KIRREL3: variants seen among roughly 807,000 people sequenced by gnomAD.
KIRREL3 encodes kirre like nephrin family adhesion molecule 3, also known as kin of IRRE-like protein 3.
A neutral mutation model predicts 89.7 loss-of-function variants in KIRREL3; 36 were observed. That is an observed-to-expected ratio of 0.40 (90% CI 0.31 to 0.53). The LOEUF is 0.53. Ranked by LOEUF, KIRREL3 falls within the 20% of genes least tolerant of loss-of-function variation. The pLI, the probability that KIRREL3 is intolerant of heterozygous loss-of-function variation, is 0.49. For missense variants in KIRREL3, 864 were observed against 1,056.6 expected (o/e 0.82, Z 2.53); for synonymous variants, 445 against 441.4 (o/e 1.01, Z -0.10).
At chr11:126,448,136 A>G (rs958270830) in intron 8 of KIRREL3, among the ~76,000 whole-genome samples, 4 of 152,064 alleles carry the variant, frequency 2.6e-5, no homozygotes, top group African/African-American at 9.7e-5. Flanking sequence ...TACAAAAATT[A>G]TCTGGGTATG....
intron 1 of KIRREL3, among the ~76,000 whole-genome samples, chr11:126,801,449 G>A (rs991007914): frequency 6.6e-6 from 1 of 152,192 alleles, no homozygotes; most frequent in Admixed American, 6.5e-5. Context: ...ATAACTCAGA[G>A]TATTTCTGTG....
intron 1 of KIRREL3, among the ~76,000 whole-genome samples, chr11:126,746,937 C>G (rs1949171802): frequency 6.6e-6 from 1 of 152,226 alleles, no homozygotes; most frequent in Non-Finnish European, 1.5e-5. Context: ...GTGGACCACA[C>G]TGAGGATAGA....
chr11:126,879,150 T>C lies in KIRREL3; in HGVS notation c.55+121305A>G, dbSNP rs1260441945. On this transcript the variant is annotated intron_variant, in intron 1 of 16. Transcript: ENST00000525144. The surrounding 1 kb of genome is among the most constrained non-coding windows in gnomAD (Gnocchi z 5.4). Reference sequence around the variant, plus strand: ...AGGAAATAGTCTGAGTCCAGCTAAATGTAAAGAGGGAAACTGGAGCTCATC... The same window carrying C: ...AGGAAATAGTCTGAGTCCAGCTAAACGTAAAGAGGGAAACTGGAGCTCATC... 6.6e-6 allele frequency among the ~76,000 whole-genome samples: 1 copy of C among 152,088 alleles called. No individual in the cohort carries two copies. The highest frequency in any genetic ancestry group is 1.9e-4 in the East Asian group (1 of 5,188).
At chr11:126,458,244 A>T (rs1437188125) in intron 6 of KIRREL3, among the ~76,000 whole-genome samples, 1 of 152,204 alleles carries the variant, frequency 6.6e-6, no homozygotes, top group East Asian at 1.9e-4. Context: ...GGTCCAGCCC[A>T]TTTCCAGAAA....
chr11:126,786,363 T>C (rs879864606), intron 1 of KIRREL3, among the ~76,000 whole-genome samples: 3 of 152,238 alleles, frequency 2.0e-5, no homozygotes, highest in Non-Finnish European at 4.4e-5. Context: ...TTTCTTTTCT[T>C]TGGTTTCCAA....
chr11:126,693,263 C>CA (rs1243646816), intron 1 of KIRREL3, among the ~76,000 whole-genome samples: 1 of 151,846 alleles, frequency 6.6e-6, no homozygotes, highest in Non-Finnish European at 1.5e-5. Context: ...CAGTAAAATA[C>CA]AAAAAAAATT....
chr11:126,951,341 A>G (rs1368100981), intron 1 of KIRREL3, among the ~76,000 whole-genome samples: 2 of 152,116 alleles, frequency 1.3e-5, no homozygotes, highest in East Asian at 3.8e-4. Context: ...ATATTTTTAC[A>G]TTTTCTCTAA....
chr11:126,850,120 G>A (rs553217283), intron 1 of KIRREL3, among the ~76,000 whole-genome samples: 1 of 152,260 alleles, frequency 6.6e-6, no homozygotes, highest in South Asian at 2.1e-4. Flanking sequence ...GCCTGGGCCT[G>A]GGGTGAAGGA....
chr11:126,883,115 T>C lies in KIRREL3; in HGVS notation c.55+117340A>G, dbSNP rs188942568. On this transcript the variant is annotated intron_variant, in intron 1 of 16. Transcript: ENST00000525144. This position sits in a 1 kb window ranked among gnomAD's most constrained non-coding sequence, Gnocchi z 4.1. Reference sequence around the variant, plus strand: ...CAGCAGGTAGGGTTTGTTACTTTAATTCACTTTGCCTTTCTCTTCTGAAAA... The same window carrying C: ...CAGCAGGTAGGGTTTGTTACTTTAACTCACTTTGCCTTTCTCTTCTGAAAA... Among the ~76,000 whole-genome samples, 3 of 152,356 alleles carry C rather than the reference T, an allele frequency of 2.0e-5. No individual in the cohort carries two copies. Among genetic ancestry groups the C allele is most frequent in the Admixed American group, 2.0e-4 (3 of 15,294 alleles).
Position 126,433,338 on chromosome 11 carries a change from CCT to C in KIRREL3, c.1589-1814_1589-1813del, listed in dbSNP as rs143529388. 5.7e-3 allele frequency among the ~76,000 whole-genome samples: 862 copies of C among 152,324 alleles called. 11 individuals are homozygous for C. Among genetic ancestry groups the C allele is most frequent in the African/African-American group, 0.019 (803 of 41,578 alleles). Reference sequence around the variant, plus strand: ...TTTTTCTTTAAAGGGAGGAGAAAGACCTCAAACCCTGGCCTCTGAAGATGCTG... The same window carrying C: ...TTTTTCTTTAAAGGGAGGAGAAAGACCAAACCCTGGCCTCTGAAGATGCTG... On this transcript the variant is annotated intron_variant, in intron 13 of 16. Coordinates refer to ENST00000525144, the MANE Select transcript of KIRREL3 (RefSeq NM_032531.4).
At chr11:126,436,127 G>A (rs1341414241) in intron 12 of KIRREL3, among the ~76,000 whole-genome samples, 1 of 152,142 alleles carries the variant, frequency 6.6e-6, no homozygotes, top group African/African-American at 2.4e-5. Flanking sequence ...GTCAGCGCAC[G>A]GGGGCACAGT....
In KIRREL3 at chr11:126,905,692, C is replaced by T. The variant is rs1175069695; in HGVS notation, c.55+94763G>A. Among the ~76,000 whole-genome samples the T allele has an allele frequency of 1.3e-5, 2 of 152,096 alleles. No individual in the cohort carries two copies. Among genetic ancestry groups the T allele is most frequent in the Non-Finnish European group, 2.9e-5 (2 of 68,018 alleles). ...TCTCCAATCTGTCTGGCCATGAACC[C>T]TTAACAGAACACCAGAGACCTATGT... On this transcript the variant is annotated intron_variant, in intron 1 of 16. Coordinates refer to ENST00000525144, the MANE Select transcript of KIRREL3 (RefSeq NM_032531.4). This position sits in a 1 kb window ranked among gnomAD's most constrained non-coding sequence, Gnocchi z 5.0.
At chr11:126,451,455 C>T (rs1032905899) in intron 7 of KIRREL3, among the ~76,000 whole-genome samples, 4 of 108,328 alleles carry the variant, frequency 3.7e-5, no homozygotes, top group Admixed American at 9.5e-5. Context: ...CAAGTGCATG[C>T]GCATGTGTGG....
Position 126,900,989 on chromosome 11 carries a change from G to C in KIRREL3, c.55+99466C>G, listed in dbSNP as rs1277828856. On this transcript the variant is annotated intron_variant, in intron 1 of 16. Coordinates refer to ENST00000525144, the MANE Select transcript of KIRREL3 (RefSeq NM_032531.4). This position sits in a 1 kb window ranked among gnomAD's most constrained non-coding sequence, Gnocchi z 4.4. ...AATCAATGACAAAGACCAACAGTAA[G>C]TGGATCACGAGGTCAGGAGTTCGAG... Among the ~76,000 whole-genome samples, 1 of 152,144 alleles carries C rather than the reference G, an allele frequency of 6.6e-6. No homozygotes were observed. Among genetic ancestry groups the C allele is most frequent in the African/African-American group, 2.4e-5 (1 of 41,436 alleles).
chr11:126,775,215 G>T (rs898833941), intron 1 of KIRREL3, among the ~76,000 whole-genome samples: 2 of 152,150 alleles, frequency 1.3e-5, no homozygotes, highest in African/African-American at 4.8e-5. Context: ...GCAACATGAG[G>T]AGCTGTGTGC....
intron 1 of KIRREL3, among the ~76,000 whole-genome samples, chr11:126,849,639 C>T (rs561707287): frequency 7.9e-5 from 12 of 152,256 alleles, no homozygotes; most frequent in Admixed American, 2.6e-4. Context: ...GCTTGGGCAA[C>T]GCAGAGATGT....
Position 126,455,135 on chromosome 11 carries a change from G to A in KIRREL3, c.848+1214C>T, listed in dbSNP as rs565855634. Reference sequence around the variant, plus strand: ...ATCCTTGGCCTTTGCAGATGCTGCAGCTTAATGGCCGAGATCAATGGCAGA... The same window carrying A: ...ATCCTTGGCCTTTGCAGATGCTGCAACTTAATGGCCGAGATCAATGGCAGA... On this transcript the variant is annotated intron_variant, in intron 7 of 16. Coordinates refer to ENST00000525144, the MANE Select transcript of KIRREL3 (RefSeq NM_032531.4). This position sits in a 1 kb window ranked among gnomAD's most constrained non-coding sequence, Gnocchi z 6.4. Among the ~76,000 whole-genome samples the A allele has an allele frequency of 6.6e-6, 1 of 152,298 alleles. No homozygotes were observed. Among genetic ancestry groups the A allele is most frequent in the South Asian group, 2.1e-4 (1 of 4,828 alleles).
At chr11:126,982,924 A>T (rs1052643407) in intron 1 of KIRREL3, among the ~76,000 whole-genome samples, 1 of 152,220 alleles carries the variant, frequency 6.6e-6, no homozygotes, top group Admixed American at 6.5e-5. Flanking sequence ...GCCAAAGTAA[A>T]TTGCTGTTAA....
chr11:126,792,059 C>T (rs1031390605), intron 1 of KIRREL3, among the ~76,000 whole-genome samples: 1 of 152,144 alleles, frequency 6.6e-6, no homozygotes, highest in Non-Finnish European at 1.5e-5. Flanking sequence ...GAGACTTGCT[C>T]TTAGCTGGCT....
Sources: allele counts gnomAD v4.1 joint callset (sites outside exome capture counted in the v4.1 genomes callset), GRCh38; gene constraint gnomAD v4.1.1; non-coding constraint Gnocchi (gnomAD v3.1); transcripts MANE v1.5; gene names NCBI Gene and HGNC (gene_info 2026-07-23, HGNC 2026-07-21).